Variants in BTBD7 observed in about 807,000 individuals in gnomAD.
BTBD7 encodes BTB/POZ domain-containing protein 7.
A neutral mutation model predicts 99.9 loss-of-function variants in BTBD7; 38 were observed. That is an observed-to-expected ratio of 0.38 (90% CI 0.29 to 0.50). The LOEUF (loss-of-function observed/expected upper bound fraction) is 0.50, where lower values mean the gene tolerates loss of function less well. Among genes scored for constraint, BTBD7 ranks in the 20% least tolerant of loss-of-function variants. The pLI, the probability that BTBD7 is intolerant of heterozygous loss-of-function variation, is 0.93. For missense variants in BTBD7, 1,170 were observed against 1,394.6 expected, an observed-to-expected ratio of 0.84 and a Z score of 2.57; for synonymous variants, 520 against 511.4, an observed-to-expected ratio of 1.02 and a Z score of -0.23.
intron 1 of BTBD7, among the ~76,000 whole-genome samples, chr14:93,300,772 G>GTGTGTATA (rs1438410480): frequency 5.9e-5 from 4 of 67,866 alleles, no homozygotes; most frequent in East Asian, 4.4e-4. Flanking sequence ...GTGTGTGTGT[G>GTGTGTATA]TATATATATA....
At position 93,294,670 on chromosome 14, in the gene BTBD7, T is replaced by C; in HGVS notation, c.350A>G (p.Gln117Arg). 6.2e-7 allele frequency: 1 copy of C among 1,614,162 alleles called. No homozygotes were observed. The highest frequency in any genetic ancestry group is 8.5e-7 in the Non-Finnish European group (1 of 1,180,036). The part of the protein sequence containing the change: ...GTSALKELSL[Q>R]ASLARPEART... ...GGCTTCTGGTCTAGCCAAACTGGCTTGTAGAGAAAGCTCCTTTAATGCTGA... is the reference window on the plus strand; with the variant it reads ...GGCTTCTGGTCTAGCCAAACTGGCTCGTAGAGAAAGCTCCTTTAATGCTGA... Residue 117 changes from glutamine (Q) to arginine (R), a missense_variant, in exon 3 of 11, where the codon CAA (glutamine) becomes CGA (arginine). Gln to Arg is a conservative substitution (Grantham distance 43, BLOSUM62 1). Around this residue, in one of 4 missense-constraint regions of BTBD7, gnomAD observed 359 missense variants for 497.9 expected, o/e 0.72. Transcript: ENST00000334746.
At chr14:93,287,717 C>A (rs1169285232) in intron 3 of BTBD7, 1 of 152,190 alleles carries the variant, frequency 6.6e-6, no homozygotes, top group African/African-American at 2.4e-5. Context: ...TTCACCCTCC[C>A]GGTCTGGGCT....
At chr14:93,322,713 A>C (rs2053283710) in intron 1 of BTBD7, among the ~76,000 whole-genome samples, 1 of 152,262 alleles carries the variant, frequency 6.6e-6, no homozygotes, top group Non-Finnish European at 1.5e-5. Flanking sequence ...CAGACATCAA[A>C]ACAAGAAGGT....
intron 10 of BTBD7, chr14:93,244,068 C>T (rs577243613): frequency 4.5e-6 from 2 of 448,310 alleles, no homozygotes; most frequent in Admixed American, 2.4e-5. Flanking sequence ...CACACCAATC[C>T]CACAAAGTGA....
Position 93,238,549 on chromosome 14 carries a change from G to A in BTBD7, c.*3724C>T, listed in dbSNP as rs1395963932. ...AAAGTCAACCGAACAATGAAAAAAA[G>A]TCAAAGAAGCATTTCCCTTTGAATT... On this transcript the variant is annotated 3_prime_UTR_variant, in exon 11 of 11. Transcript: ENST00000334746. 1 of 152,508 alleles carries A rather than the reference G, an allele frequency of 6.6e-6. No homozygotes were observed. Among genetic ancestry groups the A allele is most frequent in the Admixed American group, 6.5e-5 (1 of 15,276 alleles). The allele number at this position is 152,508 out of a possible 1,614,324, so 9.4% of individuals were successfully genotyped here. A position where few individuals can be genotyped will look rare whatever the true frequency, so the allele number is the denominator to read the frequency against.
In BTBD7 at chr14:93,263,986, C is replaced by T; in HGVS notation, c.1170G>A (p.Glu390=). Residue 390 remains glutamate (E), a synonymous_variant, in exon 4 of 11, where the codon GAG becomes GAA. Coordinates refer to ENST00000334746, the MANE Select transcript of BTBD7 (RefSeq NM_001002860.4). ...LEFNMLAQGC[E]DIIAESISLD... is the part of the protein sequence containing the mutation. The stretch of plus-strand genomic sequence containing the variant: ...ATGAGATGCTCTCAGCAATGATATC[C>T]TCACAGCCTAAAAGAGAAGGCAAAT... 1 of 1,613,778 alleles carries T rather than the reference C, an allele frequency of 6.2e-7. No homozygotes were observed. Among genetic ancestry groups the T allele is most frequent in the Non-Finnish European group, 8.5e-7 (1 of 1,179,754 alleles).
At position 93,242,222 on chromosome 14, in the gene BTBD7, C is replaced by G. The variant is rs1205865381; in HGVS notation, c.*51G>C. On this transcript the variant is annotated 3_prime_UTR_variant, in exon 11 of 11. Transcript: ENST00000334746. ...TGGTCTGTAAGTTGTTGGGTTACAT[C>G]ATAAAATGGGATGTTTCACATCTCA... The G allele has an allele frequency of 1.3e-6, 2 of 1,536,714 alleles. No individual in the cohort carries two copies. Among genetic ancestry groups the G allele is most frequent in the Non-Finnish European group, 1.8e-6 (2 of 1,123,562 alleles).
chr14:93,245,810 G>A lies in BTBD7; in HGVS notation c.2583+15C>T. On this transcript the variant is annotated intron_variant, in intron 10 of 10. Coordinates refer to ENST00000334746, the MANE Select transcript of BTBD7 (RefSeq NM_001002860.4). Reference sequence around the variant, plus strand: ...TAAACCGAATTTGAAGCAAGTTACTGAAGTGTTGACTTACCACTTGCTTCT... The same window carrying A: ...TAAACCGAATTTGAAGCAAGTTACTAAAGTGTTGACTTACCACTTGCTTCT... 6.2e-7 allele frequency: 1 copy of A among 1,604,994 alleles called. No individual in the cohort carries two copies. Among genetic ancestry groups the A allele is most frequent in the South Asian group, 1.1e-5 (1 of 90,528 alleles).
At chr14:93,293,776 A>G in intron 3 of BTBD7, 82 bp downstream of exon 3, 1 of 1,497,146 alleles carries the variant, frequency 6.7e-7, no homozygotes, top group Non-Finnish European at 8.9e-7. Flanking sequence ...CACTGAAATC[A>G]TAGAATATAC....
At chr14:93,262,162 T>A (rs1414164109) in intron 4 of BTBD7, among the ~76,000 whole-genome samples, 1 of 149,442 alleles carries the variant, frequency 6.7e-6, no homozygotes. Context: ...AGAGGGAGTC[T>A]CGCGCTGTTG....
intron 8 of BTBD7, among the ~76,000 whole-genome samples, chr14:93,249,515 G>A (rs1421701844): frequency 6.6e-6 from 1 of 152,212 alleles, no homozygotes; most frequent in Non-Finnish European, 1.5e-5. Context: ...GATCAGAGCT[G>A]TGAACAAGTG....
chr14:93,263,835 C>A lies in BTBD7; in HGVS notation c.1321G>T (p.Glu441Ter). 1.2e-6 allele frequency: 2 copies of A among 1,614,080 alleles called. No individual in the cohort carries two copies. Among genetic ancestry groups the A allele is most frequent in the Non-Finnish European group, 1.7e-6 (2 of 1,180,012 alleles). ...SQVMTSDVFY[E>*]LSKDHLLTAI... Reference sequence around the variant, plus strand: ...GTAAGCAGATGGTCTTTGCTGAGTTCATAAAAAACATCCGAAGTCATGACC... The same window carrying A: ...GTAAGCAGATGGTCTTTGCTGAGTTAATAAAAAACATCCGAAGTCATGACC... The change falls in exon 4 of 11, where the codon GAA (glutamate) becomes TAA (stop). Residue 441 changes from glutamate (E) to a stop codon, truncating the protein, a stop_gained. Coordinates refer to ENST00000334746, the MANE Select transcript of BTBD7 (RefSeq NM_001002860.4). LOFTEE classifies it high-confidence loss of function.
At chr14:93,273,455 T>C (rs2052620894) in intron 3 of BTBD7, among the ~76,000 whole-genome samples, 1 of 152,172 alleles carries the variant, frequency 6.6e-6, no homozygotes, top group Non-Finnish European at 1.5e-5. Context: ...AAATTCAGGC[T>C]CCAGACTTAA....
At chr14:93,320,820 A>G (rs1193862564) in intron 1 of BTBD7, among the ~76,000 whole-genome samples, 1 of 152,134 alleles carries the variant, frequency 6.6e-6, no homozygotes, top group Non-Finnish European at 1.5e-5. Flanking sequence ...GAGAAATTAC[A>G]CCTCTGTAAT....
intron 3 of BTBD7, among the ~76,000 whole-genome samples, chr14:93,290,130 G>A (rs1437383451): frequency 6.6e-6 from 1 of 151,872 alleles, no homozygotes; most frequent in African/African-American, 2.4e-5. Flanking sequence ...TGGGATTAAA[G>A]GTGTTTGAGC....
chr14:93,259,872 TG>T (rs1363809275), intron 5 of BTBD7, among the ~76,000 whole-genome samples: 4 of 152,054 alleles, frequency 2.6e-5, no homozygotes, highest in African/African-American at 9.7e-5. Context: ...AGGCAGAGGT[TG>T]CAGCGAGCTG....
intron 4 of BTBD7, among the ~76,000 whole-genome samples, chr14:93,262,278 G>A (rs1458529390): frequency 6.6e-6 from 1 of 151,958 alleles, no homozygotes; most frequent in Non-Finnish European, 1.5e-5. Context: ...GACTACAGGC[G>A]CCCGCCACCA....
At chr14:93,247,855 C>T (rs1169645777) in intron 9 of BTBD7, among the ~76,000 whole-genome samples, 2 of 151,740 alleles carry the variant, frequency 1.3e-5, no homozygotes, top group African/African-American at 4.8e-5. Context: ...TTCTTTTTTC[C>T]TGGTAGGTTA....
chr14:93,288,793 T>A, intron 3 of BTBD7: 1 of 1,549,336 alleles, frequency 6.5e-7, no homozygotes, highest in East Asian at 2.2e-5. Context: ...AACATCAGTA[T>A]CTGTAAGTGT....
Sources: gnomAD v4.1 joint callset for allele counts (sites outside exome capture counted in the v4.1 genomes callset) on GRCh38, gnomAD v4.1.1 for gene constraint, gnomAD v4.1.1 regional missense constraint, MANE v1.5 for transcripts, NCBI Gene and HGNC (gene_info 2026-07-23, HGNC 2026-07-21) for gene names.